The following MPDZ variants were observed in gnomAD, a reference collection of about 807,000 sequenced individuals.
MPDZ encodes multiple PDZ domain crumbs cell polarity complex component.
MPDZ carries 234 observed loss-of-function variants against 239.1 expected under a neutral mutation model. That is an observed-to-expected ratio of 0.98 (90% CI 0.88 to 1.09). The LOEUF is 1.09. Ranked by LOEUF, MPDZ falls within the 50% of genes least tolerant of loss-of-function variation. The probability of loss-of-function intolerance (pLI) is 0.00; values close to 1 mark genes in which losing one functional copy is unlikely to be tolerated. For missense variants in MPDZ, 3,175 were observed against 2,510.0 expected (o/e 1.26, Z -5.66); for synonymous variants, 1,048 against 881.3 (o/e 1.19, Z -3.35).
At chr9:13,130,678 C>G (rs1023905166) in intron 32 of MPDZ, among the ~76,000 whole-genome samples, 8 of 152,132 alleles carry the variant, frequency 5.3e-5, no homozygotes, top group African/African-American at 1.9e-4. Flanking sequence ...TCAAAATAAA[C>G]AGAGGTGAGA....
chr9:13,125,529 G>A, intron 34 of MPDZ, 139 bp from the exon 35 acceptor site: 1 of 747,494 alleles, frequency 1.3e-6, no homozygotes, highest in Non-Finnish European at 2.0e-6. Context: ...TCTTTGTCAG[G>A]ACTTGGGTAA....
intron 23 of MPDZ, among the ~76,000 whole-genome samples, chr9:13,160,361 T>C (rs1471621726): frequency 2.6e-5 from 4 of 152,150 alleles, no homozygotes; most frequent in South Asian, 2.1e-4. Context: ...ACAGAAAATA[T>C]ACTTTCTCTG....
chr9:13,143,634 A>G (rs1342808990), intron 26 of MPDZ, 70 bp from the exon 27 acceptor site: 5 of 1,191,862 alleles, frequency 4.2e-6, no homozygotes, highest in African/African-American at 1.5e-5. Context: ...TTAAAAGCAA[A>G]GTACATACCG....
At chr9:13,124,900 G>C (rs912663053) in intron 35 of MPDZ, among the ~76,000 whole-genome samples, 15 of 152,128 alleles carry the variant, frequency 9.9e-5, no homozygotes, top group African/African-American at 3.4e-4. Flanking sequence ...GAATCAAGGT[G>C]CCCTTAGCAA....
rs371321660 is a variant in MPDZ at position 13,110,743 on chromosome 9, G to A, written c.5725-3C>T. The A allele has an allele frequency of 5.7e-5, 91 of 1,609,300 alleles. No homozygotes were observed. In the African/African-American group the frequency reaches 1.1e-3, roughly 19 times the overall value. On this transcript the variant is annotated splice_region_variant and splice_polypyrimidine_tract_variant and intron_variant, in intron 43 of 46. Coordinates refer to ENST00000319217, the MANE Select transcript of MPDZ (RefSeq NM_001378778.1). ...ATGGTGACAATCCTATCCCCAACCT[G>A]CAAGGGAGAGAAAGAAACAGCCATC...
chr9:13,126,484 A>T, intron 34 of MPDZ, 32 bp downstream of exon 34: 2 of 1,454,790 alleles, frequency 1.4e-6, no homozygotes, highest in Non-Finnish European at 1.9e-6. Context: ...GGATGGGCCT[A>T]CATTACCATT....
At chr9:13,218,540 T>C (rs1161120700) in intron 8 of MPDZ, among the ~76,000 whole-genome samples, 1 of 151,956 alleles carries the variant, frequency 6.6e-6, no homozygotes, top group Admixed American at 6.6e-5. Flanking sequence ...ATTCTTTACT[T>C]CTTTCTCTTT....
chr9:13,124,082 G>C (rs911018761), intron 35 of MPDZ, among the ~76,000 whole-genome samples: 3 of 152,154 alleles, frequency 2.0e-5, no homozygotes, highest in Non-Finnish European at 4.4e-5. Flanking sequence ...TAGGACACTT[G>C]GTATAGTAGC....
At chr9:13,135,166 G>C (rs533312913) in intron 31 of MPDZ, 1 of 152,142 alleles carries the variant, frequency 6.6e-6, no homozygotes, top group Non-Finnish European at 1.5e-5. Flanking sequence ...ATATCTTTCT[G>C]TATTTTCTAT....
At chr9:13,208,980 A>G (rs889109590) in intron 10 of MPDZ, among the ~76,000 whole-genome samples, 5 of 152,158 alleles carry the variant, frequency 3.3e-5, no homozygotes, top group Non-Finnish European at 5.9e-5. Context: ...AAGAAGCACC[A>G]AGGTCCTTAG....
chr9:13,180,039 AG>A (rs1021751736), intron 19 of MPDZ, among the ~76,000 whole-genome samples: 26 of 152,258 alleles, frequency 1.7e-4, no homozygotes, highest in African/African-American at 6.3e-4. Flanking sequence ...CTAAGGAAAA[AG>A]GCAACATCTT....
intron 1 of MPDZ, among the ~76,000 whole-genome samples, chr9:13,274,076 G>T (rs891818683): frequency 6.6e-6 from 1 of 152,020 alleles, no homozygotes; most frequent in Non-Finnish European, 1.5e-5. Flanking sequence ...TGTGTCTTGG[G>T]GATTTTCTTG....
At chr9:13,252,338 T>A (rs1207815806) in intron 1 of MPDZ, among the ~76,000 whole-genome samples, 1 of 148,358 alleles carries the variant, frequency 6.7e-6, no homozygotes, top group Non-Finnish European at 1.5e-5. Context: ...GAGGCCGAGG[T>A]GGGCGGATCA....
intron 26 of MPDZ, 101 bp from the exon 27 acceptor site, chr9:13,143,665 G>T: frequency 1.1e-6 from 1 of 874,518 alleles, no homozygotes; most frequent in Admixed American, 1.8e-5. Flanking sequence ...CTGCCTGTGT[G>T]AAACTAGATC....
intron 24 of MPDZ, among the ~76,000 whole-genome samples, chr9:13,151,093 C>A (rs1057054229): frequency 6.6e-6 from 1 of 151,976 alleles, no homozygotes; most frequent in Non-Finnish European, 1.5e-5. Flanking sequence ...ATCAAAAGCA[C>A]AGTAAGATAC....
chr9:13,134,301 GTTAT>G (rs1401331786), intron 31 of MPDZ: 1 of 152,182 alleles, frequency 6.6e-6, no homozygotes, highest in African/African-American at 2.4e-5. Context: ...TCTTTACTGT[GTTAT>G]TTATCAAGTG....
chr9:13,114,900 A>AAAAT (rs755822098), intron 40 of MPDZ, among the ~76,000 whole-genome samples: 281 of 151,996 alleles, frequency 1.8e-3, no homozygotes, highest in Middle Eastern at 6.9e-3. Flanking sequence ...ACTCTGTCTC[A>AAAAT]AAATAAATAA....
chr9:13,245,284 TAAAC>T (rs927202168), intron 3 of MPDZ, among the ~76,000 whole-genome samples: 4 of 151,646 alleles, frequency 2.6e-5, no homozygotes, highest in Non-Finnish European at 5.9e-5. Flanking sequence ...AAGAATCTGG[TAAAC>T]AAATGGAATT....
intron 7 of MPDZ, 54 bp from the exon 8 acceptor site, chr9:13,219,822 TAAA>T: frequency 2.0e-6 from 3 of 1,533,120 alleles, no homozygotes; most frequent in Non-Finnish European, 2.7e-6. Flanking sequence ...CTGCAACAGA[TAAA>T]TCCTAAATGA....
Sources: allele counts gnomAD v4.1 joint callset (sites outside exome capture counted in the v4.1 genomes callset), GRCh38; gene constraint gnomAD v4.1.1; transcripts MANE v1.5; gene names NCBI Gene and HGNC (gene_info 2026-07-23, HGNC 2026-07-21).